Variants in AK8 observed in about 807,000 individuals in gnomAD.
AK8 encodes ATP-AMP transphosphorylase 8.
In AK8, 44 loss-of-function variants were observed where a neutral mutation model predicts 54.6. The observed-to-expected ratio is 0.81, with a 90% CI of 0.63 to 1.04. The LOEUF is 1.04. Among genes scored for constraint, AK8 ranks in the 50% least tolerant of loss-of-function variants. AK8 has a pLI of 0.00. For synonymous variants in AK8, 239 were observed against 245.6 expected (o/e 0.97, Z 0.25); for missense variants, 555 against 613.6 (o/e 0.90, Z 1.01).
chr9:132,838,327 C>A (rs1324694736), intron 5 of AK8, among the ~76,000 whole-genome samples: 1 of 152,190 alleles, frequency 6.6e-6, no homozygotes, highest in African/African-American at 2.4e-5. Flanking sequence ...ACGTCCGCTC[C>A]CCCTTTACAG....
At chr9:132,759,541 T>C (rs1838353215) in intron 11 of AK8, among the ~76,000 whole-genome samples, 1 of 152,270 alleles carries the variant, frequency 6.6e-6, no homozygotes, top group Non-Finnish European at 1.5e-5. Context: ...TAGTTTCGTA[T>C]ATGTTCTTCT....
chr9:132,875,689 G>A (rs911664397), intron 1 of AK8, among the ~76,000 whole-genome samples: 16 of 152,176 alleles, frequency 1.1e-4, no homozygotes, highest in African/African-American at 2.4e-4. Flanking sequence ...ACCTGCCTGC[G>A]GGCATCGCCC....
intron 11 of AK8, among the ~76,000 whole-genome samples, chr9:132,730,957 G>A (rs763982900): frequency 3.3e-5 from 5 of 152,166 alleles, no homozygotes; most frequent in African/African-American, 9.7e-5. Flanking sequence ...GCTTGTAGAC[G>A]CCTTTTCATT....
chr9:132,744,086 C>A (rs1033794691), intron 11 of AK8, among the ~76,000 whole-genome samples: 4 of 152,124 alleles, frequency 2.6e-5, no homozygotes, highest in Admixed American at 6.5e-5. Flanking sequence ...GTGTGCTAGA[C>A]CCCACCTCAG....
chr9:132,838,074 A>G (rs1047520836), intron 5 of AK8, among the ~76,000 whole-genome samples: 2 of 152,218 alleles, frequency 1.3e-5, no homozygotes, highest in African/African-American at 4.8e-5. Context: ...TCCTACTGTC[A>G]GTGGGATGAA....
chr9:132,787,824 T>C (rs182559947), intron 11 of AK8, among the ~76,000 whole-genome samples: 1 of 152,148 alleles, frequency 6.6e-6, no homozygotes, highest in South Asian at 2.1e-4. Flanking sequence ...AATCATCTTT[T>C]TAACTTGGGA....
chr9:132,799,694 GCA>G lies in AK8; in HGVS notation c.980-6921_980-6920del, dbSNP rs937035876. ...CACCTATCCACACATAGTACACGAAGCACACACCCTCATTACACAAACACATC... is the reference window on the plus strand; with the variant it reads ...CACCTATCCACACATAGTACACGAAGCACACCCTCATTACACAAACACATC... On this transcript the variant is annotated intron_variant, in intron 10 of 12. Transcript: ENST00000298545. The surrounding 1 kb of genome is among the most constrained non-coding windows in gnomAD (Gnocchi z 5.0). Among the ~76,000 whole-genome samples, 11 of 151,786 alleles carry G rather than the reference GCA, an allele frequency of 7.2e-5. No individual in the cohort carries two copies. Among genetic ancestry groups the G allele is most frequent in the African/African-American group, 2.7e-4 (11 of 41,290 alleles).
At chr9:132,782,957 A>G (rs1036447420) in intron 11 of AK8, among the ~76,000 whole-genome samples, 7 of 152,182 alleles carry the variant, frequency 4.6e-5, no homozygotes, top group Non-Finnish European at 8.8e-5. Flanking sequence ...AGTTGAGGAG[A>G]TTCTAACTTT....
At chr9:132,857,329 A>T (rs908571746) in intron 4 of AK8, among the ~76,000 whole-genome samples, 3 of 152,188 alleles carry the variant, frequency 2.0e-5, no homozygotes, top group Admixed American at 2.0e-4. Context: ...TGGTCAGGGC[A>T]TCACACCTGG....
chr9:132,824,458 C>T (rs1227994334), intron 8 of AK8, among the ~76,000 whole-genome samples: 2 of 152,184 alleles, frequency 1.3e-5, no homozygotes, highest in East Asian at 3.8e-4. Context: ...CAGGAACATG[C>T]CACCCAGGAA....
At chr9:132,844,346 A>C (rs940281692) in intron 5 of AK8, among the ~76,000 whole-genome samples, 4 of 151,494 alleles carry the variant, frequency 2.6e-5, no homozygotes, top group African/African-American at 9.7e-5. Flanking sequence ...ACCCCCCTGC[A>C]TTAACTACAG....
At chr9:132,780,995 G>A (rs953979019) in intron 11 of AK8, among the ~76,000 whole-genome samples, 6 of 151,990 alleles carry the variant, frequency 3.9e-5, no homozygotes, top group Non-Finnish European at 7.4e-5. Context: ...TCTCATACAC[G>A]GCAAACTTCC....
Position 132,826,824 on chromosome 9 carries a change from T to C in AK8, c.757+30A>G, listed in dbSNP as rs1307242093. On this transcript the variant is annotated intron_variant, in intron 8 of 12. Coordinates refer to ENST00000298545, the MANE Select transcript of AK8 (RefSeq NM_152572.3). This position sits in a 1 kb window ranked among gnomAD's most constrained non-coding sequence, Gnocchi z 4.5. ...AGCGAGCCCCGCCCTTGGCCGTCTG[T>C]CCAGGGTGGGGCTGCCTGCTTGTGT... 1.2e-6 allele frequency: 2 copies of C among 1,609,496 alleles called. No individual in the cohort carries two copies. The highest frequency in any genetic ancestry group is 2.2e-5 in the South Asian group (2 of 90,972).
At chr9:132,834,808 GC>G (rs897858462) in intron 5 of AK8, among the ~76,000 whole-genome samples, 7 of 152,012 alleles carry the variant, frequency 4.6e-5, no homozygotes, top group Non-Finnish European at 8.8e-5. Flanking sequence ...CAGCCTACAG[GC>G]CAATGATCTC....
intron 12 of AK8, among the ~76,000 whole-genome samples, chr9:132,726,710 A>G (rs1316785708): frequency 1.3e-5 from 2 of 152,202 alleles, no homozygotes; most frequent in Non-Finnish European, 2.9e-5. Context: ...GGAGTGGGAC[A>G]TTACAGCAAC....
upstream of AK8, chr9:132,878,398 C>T: frequency 8.1e-7 from 1 of 1,241,940 alleles, no homozygotes; most frequent in Non-Finnish European, 1.0e-6. The surrounding 1 kb of genome is among the most constrained non-coding windows in gnomAD (Gnocchi z 4.7). Context: ...CGGGTCGCCC[C>T]CGCCCCGACC....
chr9:132,825,749 A>G lies in AK8; in HGVS notation c.757+1105T>C, dbSNP rs538196784. 2.0e-5 allele frequency among the ~76,000 whole-genome samples: 3 copies of G among 152,356 alleles called. No individual in the cohort carries two copies. The East Asian group carries it at 5.8e-4, about 29-fold the overall frequency. On this transcript the variant is annotated intron_variant, in intron 8 of 12. Transcript: ENST00000298545. ...GGGAAAGTCAGCAGGGAAGGGCTTG[A>G]GGGAGCTCAAAACCACTTCCCCGGC...
Position 132,770,040 on chromosome 9 carries a change from G to C in AK8, c.1121+22594C>G, listed in dbSNP as rs1019171272. On this transcript the variant is annotated intron_variant, in intron 11 of 12. Transcript: ENST00000298545. The surrounding 1 kb of genome is among the most constrained non-coding windows in gnomAD (Gnocchi z 4.3). ...GCTCCCAGGGCTCCAGGCGAAGAGG[G>C]GCATCTGGTTAAAGCGAATTCGGGC... The C allele has an allele frequency of 2.0e-5, 3 of 152,256 alleles. No homozygotes were observed. Among genetic ancestry groups the C allele is most frequent in the Non-Finnish European group, 4.4e-5 (3 of 68,100 alleles). 9.4% of individuals were successfully genotyped at this position (152,256 alleles called of 1,614,324 possible).
chr9:132,785,074 G>C (rs931253661), intron 11 of AK8, among the ~76,000 whole-genome samples: 7 of 151,942 alleles, frequency 4.6e-5, no homozygotes, highest in East Asian at 3.9e-4. Flanking sequence ...CTGGAGAAGG[G>C]GGATGAGGAG....
Sources: allele counts gnomAD v4.1 joint callset (sites outside exome capture counted in the v4.1 genomes callset), GRCh38; gene constraint gnomAD v4.1.1; non-coding constraint Gnocchi (gnomAD v3.1); transcripts MANE v1.5; gene names NCBI Gene and HGNC (gene_info 2026-07-23, HGNC 2026-07-21).